CAST: variants seen among roughly 807,000 people sequenced by gnomAD.
CAST encodes MIR583 host.
In CAST, 76 loss-of-function variants were observed where a neutral mutation model predicts 119.6. The observed-to-expected ratio is 0.64, with a 90% CI of 0.53 to 0.77. CAST has a LOEUF of 0.77. Ranked by LOEUF, CAST falls within the 30% of genes least tolerant of loss-of-function variation. CAST has a pLI of 0.00. For synonymous variants in CAST, 319 were observed against 331.6 expected, an observed-to-expected ratio of 0.96 and a Z score of 0.41; for missense variants, 953 against 946.5, an observed-to-expected ratio of 1.01 and a Z score of -0.09.
At chr5:96,418,060 G>A in the CAST span, among the ~76,000 whole-genome samples, 5 of 152,340 alleles carry the variant, frequency 3.3e-5, no homozygotes, top group East Asian at 7.7e-4. Context: ...CCTAAAAAAT[G>A]ATGCAGTGTG....
chr5:96,032,242 T>G, the CAST span, among the ~76,000 whole-genome samples: 1 of 152,176 alleles, frequency 6.6e-6, no homozygotes, highest in African/African-American at 2.4e-5. Context: ...GTATTTGGAA[T>G]ACTCAGTAAC....
At chr5:95,978,169 T>C in the CAST span, among the ~76,000 whole-genome samples, 131 of 152,334 alleles carry the variant, frequency 8.6e-4, no homozygotes, top group African/African-American at 2.9e-3. Flanking sequence ...TGTTCAGTAA[T>C]GGGATTGCTG....
At chr5:96,554,148 C>T (rs544708550) in intron 1 of CAST, among the ~76,000 whole-genome samples, 1 of 152,312 alleles carries the variant, frequency 6.6e-6, no homozygotes, top group Non-Finnish European at 1.5e-5. Context: ...TACCTGACTT[C>T]AAACTTTACT....
At chr5:96,349,096 T>TC in the CAST span, among the ~76,000 whole-genome samples, 1 of 147,892 alleles carries the variant, frequency 6.8e-6, no homozygotes, top group Non-Finnish European at 1.5e-5. Context: ...ATTTTTTTTT[T>TC]CTGGTCTCTC....
At chr5:96,215,086 A>G in the CAST span, 1 of 152,156 alleles carries the variant, frequency 6.6e-6, no homozygotes, top group Non-Finnish European at 1.5e-5. Flanking sequence ...AAGCAGAAAA[A>G]CCAGATGAGG....
chr5:96,168,107 C>A, the CAST span, among the ~76,000 whole-genome samples: 1 of 152,066 alleles, frequency 6.6e-6, no homozygotes, highest in Non-Finnish European at 1.5e-5. Context: ...GGTCCAAGAA[C>A]CATTTGCCTT....
chr5:96,012,605 A>T, the CAST span, among the ~76,000 whole-genome samples: 1 of 152,202 alleles, frequency 6.6e-6, no homozygotes, highest in African/African-American at 2.4e-5. Flanking sequence ...TGACATGCAT[A>T]GAGTGTTCAA....
At chr5:96,379,131 T>C in the CAST span, among the ~76,000 whole-genome samples, 17 of 152,182 alleles carry the variant, frequency 1.1e-4, no homozygotes, top group Admixed American at 1.3e-4. Context: ...AAATTAGGAA[T>C]CTTTATGAGC....
the CAST span, among the ~76,000 whole-genome samples, chr5:96,367,088 G>T: frequency 6.6e-6 from 1 of 152,190 alleles, no homozygotes; most frequent in Non-Finnish European, 1.5e-5. Flanking sequence ...TTTGCTTGAG[G>T]TCTGCTCCAG....
chr5:96,230,936 C>G, the CAST span, among the ~76,000 whole-genome samples: 1 of 152,018 alleles, frequency 6.6e-6, no homozygotes, highest in East Asian at 1.9e-4. Flanking sequence ...AAAACCACAA[C>G]GAGATACTAC....
chr5:96,488,569 A>T, the CAST span, among the ~76,000 whole-genome samples: 3 of 152,154 alleles, frequency 2.0e-5, no homozygotes, highest in East Asian at 3.9e-4. Flanking sequence ...AGCTAGTGAG[A>T]TGTAACTTTT....
chr5:96,188,068 A>G, the CAST span, among the ~76,000 whole-genome samples: 2 of 152,214 alleles, frequency 1.3e-5, no homozygotes, highest in African/African-American at 4.8e-5. Context: ...CAGAACCTGG[A>G]TATGGGTCCT....
At chr5:96,596,948 T>C (rs957034210) in intron 1 of CAST, among the ~76,000 whole-genome samples, 7 of 152,172 alleles carry the variant, frequency 4.6e-5, no homozygotes, top group African/African-American at 1.7e-4. Flanking sequence ...TTCCTCTTTT[T>C]ATATGGACAC....
intron 1 of CAST, among the ~76,000 whole-genome samples, chr5:96,621,355 G>T (rs1172114283): frequency 6.6e-6 from 1 of 152,170 alleles, no homozygotes; most frequent in East Asian, 1.9e-4. Flanking sequence ...ATAAGGGCAG[G>T]TATATTAGTG....
the CAST span, among the ~76,000 whole-genome samples, chr5:96,289,257 A>G: frequency 2.6e-5 from 4 of 152,202 alleles, no homozygotes; most frequent in African/African-American, 4.8e-5. Flanking sequence ...TGTTCAACAA[A>G]GAAGATCACT....
the CAST span, among the ~76,000 whole-genome samples, chr5:95,976,931 C>A: frequency 6.6e-6 from 1 of 152,296 alleles, no homozygotes; most frequent in South Asian, 2.1e-4. Flanking sequence ...CCTGCCCTAT[C>A]ATTTATTAAT....
intron 20 of CAST, among the ~76,000 whole-genome samples, chr5:96,752,172 G>C (rs1319015829): frequency 6.6e-6 from 1 of 152,224 alleles, no homozygotes; most frequent in African/African-American, 2.4e-5. Context: ...AGAGACCTGA[G>C]TTGTAGTTGT....
the CAST span, among the ~76,000 whole-genome samples, chr5:96,321,634 A>G: frequency 6.6e-6 from 1 of 152,200 alleles, no homozygotes. Flanking sequence ...TCCTCATTTT[A>G]TAGGTAAGAA....
the CAST span, among the ~76,000 whole-genome samples, chr5:96,026,015 T>C: frequency 6.6e-5 from 10 of 152,300 alleles, no homozygotes; most frequent in African/African-American, 2.4e-4. Context: ...AGTGGATTGC[T>C]TAAGCCCCGG....
Sources: allele counts gnomAD v4.1 joint callset (sites outside exome capture counted in the v4.1 genomes callset), GRCh38; gene constraint gnomAD v4.1.1; transcripts MANE v1.5; gene names NCBI Gene and HGNC (gene_info 2026-07-23, HGNC 2026-07-21).